Variants in BLM observed in about 807,000 individuals in gnomAD.
The protein encoded by BLM is BLM RecQ like helicase, also known as recQ-like DNA helicase BLM.
A neutral mutation model predicts 135.3 loss-of-function variants in BLM; 95 were observed. The observed-to-expected ratio is 0.70, with a 90% CI of 0.59 to 0.83. BLM has a LOEUF of 0.83. Among genes scored for constraint, BLM ranks in the 40% least tolerant of loss-of-function variants. The probability of loss-of-function intolerance (pLI) is 0.00; values close to 1 mark genes in which losing one functional copy is unlikely to be tolerated. For missense variants in BLM, 1,518 were observed against 1,663.9 expected, an observed-to-expected ratio of 0.91 and a Z score of 1.53; for synonymous variants, 520 against 589.2, an observed-to-expected ratio of 0.88 and a Z score of 1.70.
At chr15:90,766,593 A>G (rs1043437306) in intron 9 of BLM, among the ~76,000 whole-genome samples, 5 of 151,802 alleles carry the variant, frequency 3.3e-5, no homozygotes, top group African/African-American at 1.2e-4. Flanking sequence ...ACGCCAGGCT[A>G]ATTTTTGTAT....
At chr15:90,741,390 T>G (rs441909) in intron 1 of BLM, among the ~76,000 whole-genome samples, 10 of 152,180 alleles carry the variant, frequency 6.6e-5, no homozygotes, top group Non-Finnish European at 1.5e-4. Flanking sequence ...CTGCTTGGAA[T>G]TTTTTGGCTT....
chr15:90,767,634 C>T (rs934452962), intron 10 of BLM, among the ~76,000 whole-genome samples: 1 of 152,324 alleles, frequency 6.6e-6, no homozygotes, highest in Admixed American at 6.5e-5. Flanking sequence ...TGTCAGGAGG[C>T]ACTTGATGTC....
At chr15:90,767,868 T>A (rs746918458) in intron 10 of BLM, among the ~76,000 whole-genome samples, 1 of 152,196 alleles carries the variant, frequency 6.6e-6, no homozygotes, top group East Asian at 1.9e-4. Flanking sequence ...CAGTTATTAC[T>A]ATGATAGATA....
At chr15:90,804,883 C>T (rs1897252947) in intron 19 of BLM, among the ~76,000 whole-genome samples, 1 of 152,166 alleles carries the variant, frequency 6.6e-6, no homozygotes, top group African/African-American at 2.4e-5. Flanking sequence ...ATTGCCCAGG[C>T]TGGAGTGCAG....
chr15:90,814,820 T>C (rs762945116), intron 21 of BLM, among the ~76,000 whole-genome samples: 2 of 151,946 alleles, frequency 1.3e-5, no homozygotes, highest in African/African-American at 2.4e-5. Flanking sequence ...AAGGTGTGGG[T>C]GGAGAGAGGG....
chr15:90,770,167 T>TCCCCC (rs35712829), intron 12 of BLM, among the ~76,000 whole-genome samples: 2 of 120,522 alleles, frequency 1.7e-5, no homozygotes, highest in African/African-American at 6.7e-5. Flanking sequence ...ATAAAAGAAA[T>TCCCCC]CCCCCCCCCC....
chr15:90,724,121 T>C (rs1234830129), intron 1 of BLM, among the ~76,000 whole-genome samples: 2 of 152,182 alleles, frequency 1.3e-5, no homozygotes, highest in African/African-American at 4.8e-5. Flanking sequence ...CAGATGATCC[T>C]TCTGCCTCAG....
At position 90,763,013 on chromosome 15, in the gene BLM, T is replaced by C; in HGVS notation, c.1930T>C (p.Phe644Leu). ...LASRNLKHERFQSLSFPHTKE... is the reference protein window; with the variant it reads ...LASRNLKHERLQSLSFPHTKE... The stretch of plus-strand genomic sequence containing the variant: ...ATCCAGAAATCTGAAACATGAGCGT[T>C]TCCAAAGTCTTAGTTTTCCTCATAC... The change falls in exon 8 of 22, where the codon TTC (phenylalanine) becomes CTC (leucine). Residue 644 changes from phenylalanine (F) to leucine (L), a missense_variant. Physicochemically the swap from Phe to Leu is conservative, Grantham distance 22. This residue lies in a region of BLM where 724 missense variants were observed against 756.9 expected (regional missense o/e 0.96). Coordinates refer to ENST00000355112, the MANE Select transcript of BLM (RefSeq NM_000057.4). The C allele has an allele frequency of 1.2e-6, 2 of 1,613,582 alleles. No individual in the cohort carries two copies. The highest frequency in any genetic ancestry group is 2.2e-5 in the East Asian group (1 of 44,878).
In BLM at chr15:90,798,286, G is replaced by A. The variant is rs748331529; in HGVS notation, c.3307G>A (p.Val1103Ile). Residue 1103 changes from valine to isoleucine, a missense_variant, in exon 17 of 22, where the codon GTA becomes ATA. By Grantham distance (29) the Val-to-Ile change is conservative (BLOSUM62 3). This residue lies in a region of BLM where 626 missense variants were observed against 681.1 expected (regional missense o/e 0.92). Transcript: ENST00000355112. Reference protein sequence around the residue: ...SSQGMRNIKHVGPSGRFTMNM... With the variant: ...SSQGMRNIKHIGPSGRFTMNM... ...ACAAGGAATGAGAAATATAAAACAT[G>A]TAGGTCCTTCTGGAAGATTTACTAT... The A allele has an allele frequency of 2.5e-6, 4 of 1,612,808 alleles. No individual in the cohort carries two copies. The African/African-American group carries it at 4.0e-5, about 16-fold the overall frequency.
intron 12 of BLM, among the ~76,000 whole-genome samples, chr15:90,776,172 G>C (rs1242892045): frequency 1.3e-5 from 2 of 152,116 alleles, no homozygotes; most frequent in African/African-American, 4.8e-5. Flanking sequence ...ATTACGTAAT[G>C]ATCAGTCATC....
At chr15:90,805,217 CAT>C (rs139401837) in intron 19 of BLM, among the ~76,000 whole-genome samples, 5 of 151,252 alleles carry the variant, frequency 3.3e-5, no homozygotes, top group Non-Finnish European at 5.9e-5. Context: ...TGTTCTTTAA[CAT>C]ATATATAGTA....
chr15:90,772,794 G>T (rs1286276262), intron 12 of BLM, among the ~76,000 whole-genome samples: 1 of 152,082 alleles, frequency 6.6e-6, no homozygotes, highest in Non-Finnish European at 1.5e-5. Context: ...ATTGTAGGAG[G>T]AGTAGTTTAT....
intron 1 of BLM, among the ~76,000 whole-genome samples, chr15:90,735,918 G>A (rs1190761396): frequency 3.9e-5 from 6 of 152,094 alleles, no homozygotes; most frequent in Admixed American, 1.3e-4. Context: ...AGTCTAAATT[G>A]AGAGAAAAAA....
chr15:90,770,957 T>C (rs937774019), intron 12 of BLM, among the ~76,000 whole-genome samples: 3 of 152,192 alleles, frequency 2.0e-5, no homozygotes, highest in African/African-American at 7.2e-5. Flanking sequence ...TCTTCCAGCC[T>C]TTAAGTTGTT....
In BLM at chr15:90,749,570, G is replaced by C. The variant is rs781707344; in HGVS notation, c.302G>C (p.Arg101Thr). Residue 101 changes from arginine (R) to threonine (T), a missense_variant, in exon 3 of 22, where the codon AGA (arginine) becomes ACA (threonine). Arg to Thr is a moderately conservative substitution (Grantham distance 71, BLOSUM62 -1). Coordinates refer to ENST00000355112, the MANE Select transcript of BLM (RefSeq NM_000057.4). The part of the protein sequence containing the change: ...KNAPAGQETQ[R>T]GGSKSLLPDF... ...GCTCCAGCAGGACAGGAAACACAGA[G>C]AGGTGGATCAAAATCATTATTGCCA... The C allele has an allele frequency of 6.8e-6, 11 of 1,614,054 alleles. No homozygotes were observed. Among genetic ancestry groups the C allele is most frequent in the Non-Finnish European group, 9.3e-6 (11 of 1,180,046 alleles).
At chr15:90,787,856 A>G (rs1340830903) in intron 14 of BLM, among the ~76,000 whole-genome samples, 3 of 152,132 alleles carry the variant, frequency 2.0e-5, no homozygotes, top group Non-Finnish European at 2.9e-5. Flanking sequence ...AGGCTGAGGC[A>G]GGGGAATCAC....
In BLM at chr15:90,760,130, A is replaced by G. The variant is rs747396397; in HGVS notation, c.1088-17A>G. The G allele has an allele frequency of 8.1e-6, 13 of 1,606,518 alleles. No homozygotes were observed. The South Asian group carries it at 1.4e-4, about 18-fold the overall frequency. On this transcript the variant is annotated splice_polypyrimidine_tract_variant and intron_variant, in intron 5 of 21. Coordinates refer to ENST00000355112, the MANE Select transcript of BLM (RefSeq NM_000057.4). ...TTTCCCTCAAAGAAAAATATTAACAACATAATTATTTTATAGCTAGACAGA... is the reference window on the plus strand; with the variant it reads ...TTTCCCTCAAAGAAAAATATTAACAGCATAATTATTTTATAGCTAGACAGA...
intron 4 of BLM, among the ~76,000 whole-genome samples, chr15:90,752,466 C>G (rs1198396260): frequency 4.6e-5 from 7 of 152,118 alleles, no homozygotes; most frequent in African/African-American, 1.7e-4. Context: ...CATAAGCCAC[C>G]TTGCCTGGCC....
At position 90,785,021 on chromosome 15, in the gene BLM, C is replaced by T. The variant is rs1170782980; in HGVS notation, c.2763C>T (p.Gly921=). 6.2e-7 allele frequency: 1 copy of T among 1,613,976 alleles called. No individual in the cohort carries two copies. Among genetic ancestry groups the T allele is most frequent in the Non-Finnish European group, 8.5e-7 (1 of 1,180,034 alleles). The stretch of plus-strand genomic sequence containing the variant: ...TCGCTGCTCTTGCTTACCATGCTGG[C>T]CTCAGTGATTCTGCCAGAGATGAAG... ...DGLAALAYHA[G]LSDSARDEVQ... The change falls in exon 14 of 22, where the codon GGC becomes GGT. Residue 921 remains glycine, a synonymous_variant. Transcript: ENST00000355112.
Sources: gnomAD v4.1 joint callset for allele counts (sites outside exome capture counted in the v4.1 genomes callset) on GRCh38, gnomAD v4.1.1 for gene constraint, gnomAD v4.1.1 regional missense constraint, MANE v1.5 for transcripts, NCBI Gene and HGNC (gene_info 2026-07-23, HGNC 2026-07-21) for gene names.